The following ASAH2 variants were observed in gnomAD, a reference collection of about 807,000 sequenced individuals.
ASAH2 encodes neutral ceramidase.
ASAH2 carries 58 observed loss-of-function variants against 82.9 expected under a neutral mutation model. That is an observed-to-expected ratio of 0.70 (90% confidence interval 0.57 to 0.87). The LOEUF (loss-of-function observed/expected upper bound fraction) is 0.87. ASAH2 is among the 40% of genes least tolerant of loss of function. The probability of loss-of-function intolerance (pLI) is 0.00; values close to 1 mark genes in which losing one functional copy is unlikely to be tolerated. For missense variants in ASAH2, 779 were observed against 834.0 expected, an observed-to-expected ratio of 0.93 and a Z score of 0.81; for synonymous variants, 276 against 289.7, an observed-to-expected ratio of 0.95 and a Z score of 0.48.
At chr10:50,237,718 G>A (rs1486554374) in intron 4 of ASAH2, among the ~76,000 whole-genome samples, 1 of 152,162 alleles carries the variant, frequency 6.6e-6, no homozygotes, top group Non-Finnish European at 1.5e-5. Flanking sequence ...ATGTTGCTGA[G>A]TATTTGTTGC....
intron 10 of ASAH2, among the ~76,000 whole-genome samples, chr10:50,211,948 C>G (rs1002506106): frequency 6.6e-6 from 1 of 152,050 alleles, no homozygotes; most frequent in Non-Finnish European, 1.5e-5. Context: ...TATGACTCTC[C>G]GGCTCAGAAT....
At chr10:50,206,537 TACAC>T (rs544968746) in intron 12 of ASAH2, among the ~76,000 whole-genome samples, 2,224 of 130,806 alleles carry the variant, frequency 0.017, 48 homozygotes, top group African/African-American at 0.054. Context: ...TTTAGTTATC[TACAC>T]ACACACACAC....
intron 7 of ASAH2, among the ~76,000 whole-genome samples, chr10:50,227,636 GA>G (rs1380902403): frequency 3.4e-4 from 51 of 151,354 alleles, no homozygotes; most frequent in Middle Eastern, 6.8e-3. Flanking sequence ...AAAAAACTTA[GA>G]AAAAAAAAAT....
chr10:50,205,301 A>G (rs1381280520), intron 13 of ASAH2, among the ~76,000 whole-genome samples: 1 of 152,004 alleles, frequency 6.6e-6, no homozygotes, highest in East Asian at 1.9e-4. Flanking sequence ...TTTTATTATA[A>G]TCGCACTTTA....
intron 7 of ASAH2, among the ~76,000 whole-genome samples, chr10:50,225,868 A>G (rs2338750): frequency 0.32 from 49,402 of 152,012 alleles, 9,820 homozygotes; most frequent in Non-Finnish European, 0.44. Flanking sequence ...AGGCGGGCAG[A>G]TCACCTGAGG....
chr10:50,231,359 C>G (rs972338396), intron 7 of ASAH2, among the ~76,000 whole-genome samples: 38 of 152,084 alleles, frequency 2.5e-4, no homozygotes, highest in African/African-American at 9.2e-4. Context: ...TCCCATGACT[C>G]CTTGAAGGTC....
intron 7 of ASAH2, among the ~76,000 whole-genome samples, chr10:50,229,480 T>C (rs1845973730): frequency 6.6e-6 from 1 of 152,198 alleles, no homozygotes; most frequent in Non-Finnish European, 1.5e-5. Flanking sequence ...CATGGAATAG[T>C]TTCAGGAACA....
At chr10:50,226,420 C>T (rs1845886038) in intron 7 of ASAH2, among the ~76,000 whole-genome samples, 1 of 152,092 alleles carries the variant, frequency 6.6e-6, no homozygotes, top group African/African-American at 2.4e-5. Flanking sequence ...AGGATCTCCA[C>T]ACGATTTTTT....
chr10:50,223,024 G>T (rs187247820), intron 7 of ASAH2, among the ~76,000 whole-genome samples: 139,916 of 152,216 alleles, frequency 0.92, 65,463 homozygotes, highest in East Asian at 1. Flanking sequence ...AAGGTGCTAC[G>T]TGAATCAGCA....
chr10:50,209,381 C>T (rs1211846563), intron 12 of ASAH2, among the ~76,000 whole-genome samples: 1 of 151,774 alleles, frequency 6.6e-6, no homozygotes, highest in Non-Finnish European at 1.5e-5. Flanking sequence ...GACAGAGTCT[C>T]ACTCTGTTGC....
In ASAH2 at chr10:50,214,770, G is replaced by T; in HGVS notation, c.1113C>A (p.Asn371Lys). Residue 371 changes from asparagine (N) to lysine (K), a missense_variant, in exon 9 of 21, where the codon AAC becomes AAA. Asn to Lys is a moderately conservative substitution (Grantham distance 94). Transcript: ENST00000682911. ...RCINTGESCD[N>K]ANSTCPIGGP... ...CACCAATGGGACAAGTGCTATTGGCGTTATCACAGGACTCTCCTGTGTTGA... is the reference window on the plus strand; with the variant it reads ...CACCAATGGGACAAGTGCTATTGGCTTTATCACAGGACTCTCCTGTGTTGA... The T allele has an allele frequency of 6.8e-6, 11 of 1,613,758 alleles. No individual in the cohort carries two copies. The highest frequency in any genetic ancestry group is 9.3e-6 in the Non-Finnish European group (11 of 1,179,702).
chr10:50,218,011 G>C (rs2842116), intron 8 of ASAH2, among the ~76,000 whole-genome samples: 114,797 of 152,012 alleles, frequency 0.76, 45,603 homozygotes, highest in Non-Finnish European at 0.88. Flanking sequence ...TGTAATTTCA[G>C]CTACTCAGGA....
chr10:50,234,451 A>C lies in ASAH2; in HGVS notation c.789T>G (p.Leu263=). 2 of 1,613,010 alleles carry C rather than the reference A, an allele frequency of 1.2e-6. No homozygotes were observed. The highest frequency in any genetic ancestry group is 1.7e-6 in the Non-Finnish European group (2 of 1,179,278). ...VQINRSPYSY[L]QNPQSERARY... The stretch of plus-strand genomic sequence containing the variant: ...TTGCTCTCTCTGACTGCGGATTTTG[A>C]AGGTAAGAATACGGACTTCTGTTGA... The change falls in exon 6 of 21, where the codon CTT becomes CTG. Residue 263 remains leucine (L), a synonymous_variant. Transcript: ENST00000682911.
intron 14 of ASAH2, 125 bp downstream of exon 14, chr10:50,204,736 G>T: frequency 1.3e-6 from 1 of 759,518 alleles, no homozygotes; most frequent in Non-Finnish European, 2.2e-6. Flanking sequence ...ATTTGCCACT[G>T]TCACCAAACA....
At chr10:50,198,207 C>T (rs1845041833) in intron 17 of ASAH2, 1 of 151,844 alleles carries the variant, frequency 6.6e-6, no homozygotes, top group South Asian at 2.1e-4. Flanking sequence ...CTTTGCTATG[C>T]CACAATTGTT....
intron 4 of ASAH2, 112 bp downstream of exon 4, chr10:50,243,090 T>C (rs1056176634): frequency 2.5e-6 from 3 of 1,220,436 alleles, no homozygotes; most frequent in Non-Finnish European, 2.4e-6. Context: ...ATATTGAAGG[T>C]AATAGAATTT....
intron 12 of ASAH2, among the ~76,000 whole-genome samples, chr10:50,206,444 C>T (rs1229746129): frequency 2.0e-5 from 3 of 150,440 alleles, no homozygotes; most frequent in African/African-American, 7.3e-5. Context: ...TCACTTTTTT[C>T]CTGTTTTGAA....
In ASAH2 at chr10:50,213,001, T is replaced by C. The variant is rs1449666715; in HGVS notation, c.1198A>G (p.Ile400Val). 3 of 1,613,700 alleles carry C rather than the reference T, an allele frequency of 1.9e-6. No individual in the cohort carries two copies. Among genetic ancestry groups the C allele is most frequent in the Admixed American group, 1.7e-5 (1 of 59,972 alleles). ...GQDMFDSTQI[I>V]GRAMYQRAKE... ...GCTCTCTGATACATGGCCCGTCCTA[T>C]AATTTGTGTGCTGTCAAACATATCC... The change falls in exon 10 of 21, where the codon ATA (isoleucine) becomes GTA (valine). Residue 400 changes from isoleucine (I) to valine (V), a missense_variant. Physicochemically the swap from Ile to Val is conservative, Grantham distance 29 (BLOSUM62 3). Coordinates refer to ENST00000682911, the MANE Select transcript of ASAH2 (RefSeq NM_019893.4).
Position 50,236,039 on chromosome 10 carries a change from T to C in ASAH2, c.536A>G (p.Tyr179Cys). Residue 179 changes from tyrosine to cysteine, a missense_variant, in exon 5 of 21, where the codon TAT (tyrosine) becomes TGT (cysteine). Coordinates refer to ENST00000682911, the MANE Select transcript of ASAH2 (RefSeq NM_019893.4). ...ATTATCTCTTCTGTACAGGGAGCCA[T>C]ATTTACTCTGCAGTCTGTTCAGGAC... is the stretch of plus-strand genomic sequence containing the variant. ...LEVLNRLQSK[Y>C]GSLYRRDNVI... 1 of 1,613,280 alleles carries C rather than the reference T, an allele frequency of 6.2e-7. No individual in the cohort carries two copies. The highest frequency in any genetic ancestry group is 8.5e-7 in the Non-Finnish European group (1 of 1,179,382).
Sources: allele counts gnomAD v4.1 joint callset (sites outside exome capture counted in the v4.1 genomes callset), GRCh38; gene constraint gnomAD v4.1.1; transcripts MANE v1.5; gene names NCBI Gene and HGNC (gene_info 2026-07-23, HGNC 2026-07-21).